Variants in BCAS4 observed in about 807,000 individuals in gnomAD.
BCAS4 encodes the protein breast carcinoma amplified sequence 4.
Under a neutral mutation model 15.7 loss-of-function variants are expected in BCAS4, and 9 were observed. The ratio of observed to expected loss-of-function variants is 0.57; its 90% CI spans 0.34 to 1.00. The LOEUF is 1.00. Ranked by LOEUF, BCAS4 falls within the 50% of genes least tolerant of loss-of-function variation. The pLI is 0.02. For missense variants in BCAS4, 225 were observed against 239.1 expected, an observed-to-expected ratio of 0.94 and a Z score of 0.39; for synonymous variants, 101 against 99.5, an observed-to-expected ratio of 1.02 and a Z score of -0.09.
intron 1 of BCAS4, among the ~76,000 whole-genome samples, chr20:50,802,162 C>T (rs762743144): frequency 6.6e-6 from 1 of 152,118 alleles, no homozygotes; most frequent in African/African-American, 2.4e-5. Flanking sequence ...AGTGCCACTA[C>T]ACTCTAGCCT....
chr20:50,814,158 CCAGA>C (rs1569021546), intron 1 of BCAS4, among the ~76,000 whole-genome samples: 2 of 152,126 alleles, frequency 1.3e-5, no homozygotes, highest in African/African-American at 4.8e-5. Context: ...CCTTTGCTGA[CCAGA>C]CAGTCAGCAA....
Position 50,818,250 on chromosome 20 carries a change from A to G in BCAS4, c.130A>G (p.Arg44Gly). The change falls in exon 2 of 5, where the codon AGG (arginine) becomes GGG (glycine). Residue 44 changes from arginine to glycine, a missense_variant. Arg to Gly is a moderately radical substitution (Grantham distance 125, BLOSUM62 -2). Transcript: ENST00000371608. ...GGAGACCATCGAGGGCATGCTCCTC[A>G]GGCTGGAAGAGTTTTGCAGCCTGGC... ...VEETIEGMLL[R>G]LEEFCSLADL... The G allele has an allele frequency of 6.2e-7, 1 of 1,613,314 alleles. No individual in the cohort carries two copies. The highest frequency in any genetic ancestry group is 8.5e-7 in the Non-Finnish European group (1 of 1,179,880).
At chr20:50,864,220 G>A (rs570181602) in intron 4 of BCAS4, among the ~76,000 whole-genome samples, 89 of 152,284 alleles carry the variant, frequency 5.8e-4, no homozygotes, top group Admixed American at 1.7e-3. Flanking sequence ...GGTAGCCCAC[G>A]CCCGGGGCCT....
rs2088074024 is a variant in BCAS4 at position 50,812,200 on chromosome 20, T to G, written c.91-6011T>G. Among the ~76,000 whole-genome samples the G allele has an allele frequency of 2.6e-5, 4 of 151,942 alleles. No homozygotes were observed. In the South Asian group the frequency reaches 8.3e-4, roughly 32 times the overall value. On this transcript the variant is annotated intron_variant, in intron 1 of 4. Transcript: ENST00000371608. ...CAGGCTGGAGTGCAGTGGCACAATC[T>G]TGGCTCGCTGCAAGCTCTGCTTCCT...
At chr20:50,810,606 G>A (rs1056385850) in intron 1 of BCAS4, among the ~76,000 whole-genome samples, 1 of 72,790 alleles carries the variant, frequency 1.4e-5, no homozygotes, top group Non-Finnish European at 2.8e-5. Context: ...TTTTTTTTTT[G>A]AGACGGAGTC....
chr20:50,814,281 C>T (rs2088110554), intron 1 of BCAS4, among the ~76,000 whole-genome samples: 1 of 152,224 alleles, frequency 6.6e-6, no homozygotes, highest in Admixed American at 6.5e-5. Flanking sequence ...ACATTTCTAA[C>T]TTCCCCCAAG....
chr20:50,809,630 A>C (rs892468230), intron 1 of BCAS4, among the ~76,000 whole-genome samples: 3 of 151,824 alleles, frequency 2.0e-5, no homozygotes, highest in Non-Finnish European at 2.9e-5. Context: ...TTTTTTTTCT[A>C]GTTCCATGAA....
At chr20:50,796,679 A>G (rs965911250) in intron 1 of BCAS4, among the ~76,000 whole-genome samples, 1 of 149,792 alleles carries the variant, frequency 6.7e-6, no homozygotes, top group African/African-American at 2.5e-5. Context: ...ATTTTTCAGT[A>G]GAGACGGGGT....
intron 2 of BCAS4, among the ~76,000 whole-genome samples, chr20:50,824,344 G>A (rs539069078): frequency 1.3e-5 from 2 of 152,336 alleles, no homozygotes; most frequent in South Asian, 4.1e-4. Context: ...CTTCCTAGGG[G>A]CCTGAATCAT....
At chr20:50,849,756 G>T (rs6091224) in intron 4 of BCAS4, among the ~76,000 whole-genome samples, 5,549 of 152,184 alleles carry the variant, frequency 0.036, 151 homozygotes, top group African/African-American at 0.076. Context: ...AGGGTTTTTT[G>T]TTGTTGTTGT....
In BCAS4 at chr20:50,841,830, G is replaced by A. The variant is rs368879764; in HGVS notation, c.329G>A (p.Arg110Gln). 27 of 1,613,438 alleles carry A rather than the reference G, an allele frequency of 1.7e-5. No homozygotes were observed. Among genetic ancestry groups the A allele is most frequent in the African/African-American group, 1.6e-4 (12 of 74,942 alleles). The change falls in exon 4 of 5, where the codon CGG (arginine) becomes CAG (glutamine). Residue 110 changes from arginine to glutamine, a missense_variant. Arg to Gln is a conservative substitution (Grantham distance 43, BLOSUM62 1). Transcript: ENST00000371608. Reference protein sequence around the residue: ...FLEADVLQAERDHGAFPQALR... With the variant: ...FLEADVLQAEQDHGAFPQALR... ...GAAGCAGACGTGCTTCAGGCTGAGC[G>A]GGACCATGGGGCCTTCCCTCAGGCC...
At chr20:50,835,073 G>A (rs1600871459) in intron 3 of BCAS4, among the ~76,000 whole-genome samples, 1 of 152,122 alleles carries the variant, frequency 6.6e-6, no homozygotes, top group Admixed American at 6.6e-5. Flanking sequence ...AGATACCTAG[G>A]AGTGGAATTA....
chr20:50,824,274 T>C (rs1316125777), intron 2 of BCAS4, among the ~76,000 whole-genome samples: 2 of 152,256 alleles, frequency 1.3e-5, no homozygotes, highest in Non-Finnish European at 2.9e-5. Context: ...CTGTTGGCCT[T>C]GGCCCAGCAG....
In BCAS4 at chr20:50,795,626, A is replaced by G. The variant is rs189494426; in HGVS notation, c.90+453A>G. Among the ~76,000 whole-genome samples the G allele has an allele frequency of 2.5e-3, 380 of 152,346 alleles. 1 individual carries two copies. Among genetic ancestry groups the G allele is most frequent in the African/African-American group, 8.8e-3 (366 of 41,586 alleles). On this transcript the variant is annotated intron_variant, in intron 1 of 4. Transcript: ENST00000371608. Reference sequence around the variant, plus strand: ...CTGCGCTTTCTATTTTAAAAGCACCAAGTGAAAAGCAGATCTAAAACGAGA... The same window carrying G: ...CTGCGCTTTCTATTTTAAAAGCACCGAGTGAAAAGCAGATCTAAAACGAGA...
At chr20:50,808,021 C>G (rs565149405) in intron 1 of BCAS4, among the ~76,000 whole-genome samples, 1 of 151,730 alleles carries the variant, frequency 6.6e-6, no homozygotes, top group Admixed American at 6.6e-5. Context: ...GATTCTCCTG[C>G]CTCAGCCTCC....
At chr20:50,803,953 T>G (rs747805947) in intron 1 of BCAS4, among the ~76,000 whole-genome samples, 7 of 152,136 alleles carry the variant, frequency 4.6e-5, no homozygotes, top group Non-Finnish European at 1.0e-4. Context: ...CTGGTCTGAT[T>G]GGTCTGTTGG....
intron 4 of BCAS4, among the ~76,000 whole-genome samples, chr20:50,850,471 C>T (rs761177777): frequency 1.1e-4 from 16 of 152,192 alleles, no homozygotes; most frequent in Non-Finnish European, 2.1e-4. Flanking sequence ...GATCTTTGGG[C>T]TAGTTCTGCC....
At chr20:50,853,755 T>TC (rs1555805165) in intron 4 of BCAS4, among the ~76,000 whole-genome samples, 1 of 72,736 alleles carries the variant, frequency 1.4e-5, no homozygotes, top group Non-Finnish European at 2.8e-5. Context: ...TTTTGTGTAC[T>TC]GGGGGTGTTT....
intron 1 of BCAS4, among the ~76,000 whole-genome samples, chr20:50,815,220 A>T (rs1320671179): frequency 1.3e-5 from 2 of 152,122 alleles, no homozygotes; most frequent in East Asian, 3.9e-4. Context: ...GCCCTTCCTG[A>T]GCAGGCCAGG....
Sources: allele counts gnomAD v4.1 joint callset (sites outside exome capture counted in the v4.1 genomes callset), GRCh38; gene constraint gnomAD v4.1.1; transcripts MANE v1.5; gene names NCBI Gene and HGNC (gene_info 2026-07-23, HGNC 2026-07-21).